Variants in SNX18 observed in about 807,000 individuals in gnomAD.
SNX18 encodes the protein sorting nexin-18.
Under a neutral mutation model 48.7 loss-of-function variants are expected in SNX18, and 35 were observed. The observed-to-expected ratio is 0.72, with a 90% CI of 0.55 to 0.95. SNX18 has a LOEUF of 0.95. Ranked by LOEUF, SNX18 falls within the 40% of genes least tolerant of loss-of-function variation. SNX18 has a pLI of 0.00. For synonymous variants in SNX18, 492 were observed against 384.7 expected (o/e 1.28, Z -3.26); for missense variants, 824 against 871.0 (o/e 0.95, Z 0.68).
At chr5:54,609,392 T>C in the SNX18 span, among the ~76,000 whole-genome samples, 2 of 152,128 alleles carry the variant, frequency 1.3e-5, no homozygotes, top group African/African-American at 2.4e-5. Context: ...TCTTCCTTTC[T>C]TGTTGTCCCC....
At chr5:54,624,588 A>AT in the SNX18 span, among the ~76,000 whole-genome samples, 1 of 152,208 alleles carries the variant, frequency 6.6e-6, no homozygotes, top group Non-Finnish European at 1.5e-5. Flanking sequence ...TGGAAGACAG[A>AT]TTTTAATCAA....
At chr5:54,566,206 G>A in the SNX18 span, among the ~76,000 whole-genome samples, 2 of 152,154 alleles carry the variant, frequency 1.3e-5, no homozygotes, top group African/African-American at 4.8e-5. Context: ...TCAGAAAGAT[G>A]AGGTTAAGAG....
the SNX18 span, among the ~76,000 whole-genome samples, chr5:54,635,381 A>G: frequency 1.3e-5 from 2 of 152,204 alleles, no homozygotes; most frequent in Non-Finnish European, 2.9e-5. Flanking sequence ...AATAAAAACC[A>G]TAGAAAAGCC....
intron 1 of SNX18, among the ~76,000 whole-genome samples, chr5:54,532,349 G>A (rs1037406226): frequency 7.2e-6 from 1 of 139,244 alleles, no homozygotes; most frequent in Non-Finnish European, 1.5e-5. Context: ...ACCAGTATGC[G>A]TGCACATGCC....
chr5:54,633,487 G>T, the SNX18 span, among the ~76,000 whole-genome samples: 87 of 152,268 alleles, frequency 5.7e-4, no homozygotes, highest in African/African-American at 2.0e-3. Context: ...CCCCACAAGG[G>T]AATGGACTCC....
chr5:54,609,679 C>A, the SNX18 span, among the ~76,000 whole-genome samples: 3 of 152,166 alleles, frequency 2.0e-5, no homozygotes, highest in South Asian at 6.2e-4. Context: ...ATTTGGCTAC[C>A]TCCTTGAAAT....
chr5:54,628,395 C>T, the SNX18 span, among the ~76,000 whole-genome samples: 4 of 152,128 alleles, frequency 2.6e-5, no homozygotes, highest in Admixed American at 6.5e-5. Flanking sequence ...GTAGCACCAC[C>T]ATTCTCCCCA....
At chr5:54,628,047 G>A in the SNX18 span, among the ~76,000 whole-genome samples, 1 of 152,098 alleles carries the variant, frequency 6.6e-6, no homozygotes, top group African/African-American at 2.4e-5. Context: ...AAAGATGGCA[G>A]GTACTTAATA....
At chr5:54,611,713 A>G in the SNX18 span, among the ~76,000 whole-genome samples, 3 of 151,978 alleles carry the variant, frequency 2.0e-5, no homozygotes, top group African/African-American at 7.3e-5. Flanking sequence ...AACGCCACTC[A>G]CATAAGCCTT....
the SNX18 span, among the ~76,000 whole-genome samples, chr5:54,612,192 T>C: frequency 1.8e-4 from 28 of 152,204 alleles, no homozygotes; most frequent in Non-Finnish European, 5.9e-5. Flanking sequence ...TTCAAGTTAT[T>C]GCTTTGGCAG....
the SNX18 span, among the ~76,000 whole-genome samples, chr5:54,593,560 T>C: frequency 6.6e-6 from 1 of 152,188 alleles, no homozygotes; most frequent in African/African-American, 2.4e-5. Flanking sequence ...AAAGTGTATA[T>C]GAAAATACAA....
the SNX18 span, among the ~76,000 whole-genome samples, chr5:54,575,040 T>C: frequency 6.6e-6 from 1 of 152,180 alleles, no homozygotes; most frequent in South Asian, 2.1e-4. Flanking sequence ...CCTTGCCACT[T>C]CCTGTCAACC....
At chr5:54,620,569 G>A in the SNX18 span, among the ~76,000 whole-genome samples, 8,032 of 152,280 alleles carry the variant, frequency 0.053, 288 homozygotes, top group Non-Finnish European at 0.082. Flanking sequence ...GATCTGTAGG[G>A]GACCACAGAA....
At chr5:54,542,259 C>T (rs914960112) in intron 1 of SNX18, among the ~76,000 whole-genome samples, 1 of 152,156 alleles carries the variant, frequency 6.6e-6, no homozygotes, top group South Asian at 2.1e-4. Flanking sequence ...GGCCTGCGTT[C>T]GTATGGCACC....
chr5:54,547,362 A>G (rs764905872), downstream of SNX18, among the ~76,000 whole-genome samples: 31 of 152,362 alleles, frequency 2.0e-4, no homozygotes, highest in South Asian at 8.3e-4. Flanking sequence ...TCTTTTGACC[A>G]AGATCACACA....
the SNX18 span, among the ~76,000 whole-genome samples, chr5:54,575,520 C>T: frequency 6.6e-6 from 1 of 151,678 alleles, no homozygotes; most frequent in Non-Finnish European, 1.5e-5. Flanking sequence ...TACAGGTGCT[C>T]ACCACCACGC....
chr5:54,536,667 G>A (rs1048974870), intron 1 of SNX18, among the ~76,000 whole-genome samples: 2 of 152,150 alleles, frequency 1.3e-5, no homozygotes, highest in Non-Finnish European at 2.9e-5. Flanking sequence ...CTTTGCTGTT[G>A]TGAACAGTGC....
chr5:54,628,427 C>T, the SNX18 span, among the ~76,000 whole-genome samples: 1 of 152,130 alleles, frequency 6.6e-6, no homozygotes, highest in African/African-American at 2.4e-5. Flanking sequence ...GGAGACCTGG[C>T]TGTCACTCTG....
At chr5:54,602,304 T>C in the SNX18 span, among the ~76,000 whole-genome samples, 1 of 152,062 alleles carries the variant, frequency 6.6e-6, no homozygotes, top group Non-Finnish European at 1.5e-5. Context: ...CTGGCCCCAA[T>C]AGAGAGGGCA....
Sources: allele counts gnomAD v4.1 joint callset (sites outside exome capture counted in the v4.1 genomes callset), GRCh38; gene constraint gnomAD v4.1.1; transcripts MANE v1.5; gene names NCBI Gene and HGNC (gene_info 2026-07-23, HGNC 2026-07-21).